Variants in DISC1 observed in about 807,000 individuals in gnomAD.
The protein encoded by DISC1 is disrupted in schizophrenia 1 protein.
A neutral mutation model predicts 84.5 loss-of-function variants in DISC1; 57 were observed. The observed-to-expected ratio is 0.67, with a 90% CI of 0.55 to 0.84. The LOEUF (loss-of-function observed/expected upper bound fraction) is 0.84. Among genes scored for constraint, DISC1 ranks in the 40% least tolerant of loss-of-function variants. DISC1 has a pLI of 0.00. For synonymous variants in DISC1, 411 were observed against 415.2 expected (o/e 0.99, Z 0.12); for missense variants, 1,000 against 1,057.8 (o/e 0.95, Z 0.76).
Position 231,676,449 on chromosome 1 carries a change from C to T in DISC1, c.68-17377C>T, listed in dbSNP as rs149287009. Among the ~76,000 whole-genome samples, 7 of 152,350 alleles carry T rather than the reference C, an allele frequency of 4.6e-5. No homozygotes were observed. In the East Asian group the frequency reaches 1.2e-3, roughly 25 times the overall value. ...TACACATGGAAATCAGGAGAGGCTG[C>T]GTCTTAAATCCTTTTGGTAAAATCC... On this transcript the variant is annotated intron_variant, in intron 1 of 12. Coordinates refer to ENST00000439617, the MANE Select transcript of DISC1 (RefSeq NM_018662.3).
At chr1:231,795,604 C>A (rs746835620) in intron 7 of DISC1, among the ~76,000 whole-genome samples, 1 of 152,194 alleles carries the variant, frequency 6.6e-6, no homozygotes, top group African/African-American at 2.4e-5. Context: ...AAGATGCATT[C>A]GGGGCTTGGT....
intron 9 of DISC1, among the ~76,000 whole-genome samples, chr1:231,833,931 G>C (rs143081872): frequency 0.012 from 1,765 of 152,262 alleles, 34 homozygotes; most frequent in African/African-American, 0.04. Flanking sequence ...AGAGCAGATT[G>C]GGTAATAAAA....
At chr1:231,880,761 G>T (rs1016619936) in intron 9 of DISC1, among the ~76,000 whole-genome samples, 2 of 152,178 alleles carry the variant, frequency 1.3e-5, no homozygotes, top group South Asian at 2.1e-4. Flanking sequence ...CAAGGTGGGG[G>T]GGGGGTGAAA....
Position 232,011,060 on chromosome 1 carries a change from C to T in DISC1, c.2307+2011C>T, listed in dbSNP as rs909374657. On this transcript the variant is annotated intron_variant, in intron 11 of 12. Coordinates refer to ENST00000439617, the MANE Select transcript of DISC1 (RefSeq NM_018662.3). ...GTATTCTGAACCCCATCACTCTCTC[C>T]CTCCCTTTCTCCCTCCTTCTCTGCC... Among the ~76,000 whole-genome samples the T allele has an allele frequency of 7.9e-5, 12 of 152,244 alleles. No homozygotes were observed. In the South Asian group the frequency reaches 2.1e-3, roughly 26 times the overall value.
chr1:231,755,044 A>G (rs2074986204), intron 4 of DISC1, among the ~76,000 whole-genome samples: 1 of 152,168 alleles, frequency 6.6e-6, no homozygotes, highest in Admixed American at 6.5e-5. Flanking sequence ...ACATTTTTCA[A>G]TTCTTATTCT....
intron 9 of DISC1, among the ~76,000 whole-genome samples, chr1:231,874,387 T>C (rs2085702756): frequency 6.6e-6 from 1 of 151,162 alleles, no homozygotes; most frequent in Admixed American, 6.6e-5. Context: ...TCTCGATCTC[T>C]TGACCTCCTG....
chr1:231,884,490 G>A (rs573869509), intron 9 of DISC1, among the ~76,000 whole-genome samples: 1 of 152,252 alleles, frequency 6.6e-6, no homozygotes, highest in South Asian at 2.1e-4. Flanking sequence ...TCTTTATCCA[G>A]TCTGCCCATG....
At chr1:232,005,054 T>TTCCG (rs1667239739) in intron 10 of DISC1, among the ~76,000 whole-genome samples, 1 of 107,992 alleles carries the variant, frequency 9.3e-6, no homozygotes, top group Non-Finnish European at 1.9e-5. Flanking sequence ...CCTTCCTTCC[T>TTCCG]TCCTTCCCTC....
chr1:231,814,352 C>T (rs1311448295), intron 8 of DISC1, among the ~76,000 whole-genome samples: 2 of 152,140 alleles, frequency 1.3e-5, no homozygotes, highest in Non-Finnish European at 2.9e-5. Context: ...TTATTTTATA[C>T]ATTGCAAAGA....
chr1:231,911,264 C>A (rs146175380), intron 9 of DISC1, among the ~76,000 whole-genome samples: 2,143 of 152,226 alleles, frequency 0.014, 41 homozygotes, highest in African/African-American at 0.048. Flanking sequence ...CAGTTTCTTC[C>A]TAGCCTCGAT....
chr1:231,684,690 C>G (rs770834946), intron 1 of DISC1: 1 of 152,126 alleles, frequency 6.6e-6, no homozygotes, highest in Non-Finnish European at 1.5e-5. Flanking sequence ...GCAGAACAGT[C>G]ATTCCAGTTT....
chr1:231,732,922 CAGT>C (rs141133931), intron 3 of DISC1, among the ~76,000 whole-genome samples: 90,193 of 140,238 alleles, frequency 0.64, 27,569 homozygotes, highest in Middle Eastern at 0.73. Context: ...GGAACAGTGG[CAGT>C]GGTGGTAGTG....
At chr1:231,976,794 A>G (rs1662874067) in intron 10 of DISC1, among the ~76,000 whole-genome samples, 2 of 152,244 alleles carry the variant, frequency 1.3e-5, no homozygotes, top group African/African-American at 2.4e-5. Flanking sequence ...TGCAATGATC[A>G]TGGTAGAGAG....
At chr1:231,941,353 C>T (rs1396247723) in intron 9 of DISC1, among the ~76,000 whole-genome samples, 2 of 152,084 alleles carry the variant, frequency 1.3e-5, no homozygotes, top group African/African-American at 4.8e-5. Flanking sequence ...CCTTTTTCTG[C>T]TTTATAAAGC....
intron 10 of DISC1, among the ~76,000 whole-genome samples, chr1:231,989,250 G>T (rs898158580): frequency 6.6e-6 from 1 of 152,190 alleles, no homozygotes; most frequent in Non-Finnish European, 1.5e-5. Context: ...GGAGAAAATA[G>T]GTCTTCCTGC....
intron 3 of DISC1, among the ~76,000 whole-genome samples, chr1:231,716,539 C>T (rs1573175394): frequency 6.6e-6 from 1 of 151,614 alleles, no homozygotes; most frequent in African/African-American, 2.4e-5. Flanking sequence ...GAAATTGAAA[C>T]CCTGCTTGGG....
intron 10 of DISC1, among the ~76,000 whole-genome samples, chr1:231,962,407 G>T (rs1366422561): frequency 6.6e-6 from 1 of 152,106 alleles, no homozygotes; most frequent in Admixed American, 6.6e-5. Context: ...GTCAATTTGT[G>T]TTTTTGTTGC....
intron 6 of DISC1, chr1:231,771,296 G>C: frequency 1.0e-6 from 1 of 983,650 alleles, no homozygotes; most frequent in Admixed American, 6.1e-5. Context: ...AAATGCCAGC[G>C]ACCCTCCCCA....
intron 11 of DISC1, among the ~76,000 whole-genome samples, chr1:232,012,743 A>T (rs1221233081): frequency 6.6e-6 from 1 of 152,216 alleles, no homozygotes; most frequent in Non-Finnish European, 1.5e-5. Context: ...CTTTGTTATC[A>T]CAAGGGCTTT....
Sources: allele counts gnomAD v4.1 joint callset (sites outside exome capture counted in the v4.1 genomes callset), GRCh38; gene constraint gnomAD v4.1.1; transcripts MANE v1.5; gene names NCBI Gene and HGNC (gene_info 2026-07-23, HGNC 2026-07-21).